The following TFB1M variants were observed in gnomAD, a reference collection of about 807,000 sequenced individuals.
The protein encoded by TFB1M is dimethyladenosine transferase 1, mitochondrial.
A neutral mutation model predicts 31.1 loss-of-function variants in TFB1M; 27 were observed. That is an observed-to-expected ratio of 0.87 (90% CI 0.64 to 1.20). The LOEUF is 1.20. Ranked by LOEUF, TFB1M falls within the 50% of genes most tolerant of loss-of-function variation. The pLI, the probability that TFB1M is intolerant of heterozygous loss-of-function variation, is 0.00. For missense variants in TFB1M, 394 were observed against 418.7 expected (o/e 0.94, Z 0.51); for synonymous variants, 166 against 151.8 (o/e 1.09, Z -0.69).
intron 2 of TFB1M, among the ~76,000 whole-genome samples, chr6:155,300,172 T>C (rs1011124916): frequency 1.3e-5 from 2 of 152,198 alleles, no homozygotes; most frequent in African/African-American, 4.8e-5. Context: ...CACAAGTCAA[T>C]CAGGCAGATT....
At chr6:155,254,339 C>T, downstream of TFB1M, 1 of 1,554,458 alleles carries the variant, frequency 6.4e-7, no homozygotes, top group South Asian at 1.2e-5. Context: ...GTGCAAGGCA[C>T]AGGAACACAG....
Position 155,257,280 on chromosome 6 carries a change from T to A in TFB1M, c.*556A>T. ...ATGGTTGTAAAGATTTAAGTTATTT[T>A]AATTTATTGTGGATCAGAAACCTAG... On this transcript the variant is annotated 3_prime_UTR_variant, in exon 7 of 7. Coordinates refer to ENST00000367166, the MANE Select transcript of TFB1M (RefSeq NM_016020.4). 1 of 825,958 alleles carries A rather than the reference T, an allele frequency of 1.2e-6. No individual in the cohort carries two copies. Among genetic ancestry groups the A allele is most frequent in the African/African-American group, 1.7e-5 (1 of 58,028 alleles). 51.2% of individuals were successfully genotyped at this position (825,958 alleles called of 1,614,324 possible). A position where few individuals can be genotyped will look rare whatever the true frequency, so the allele number is the denominator to read the frequency against.
downstream of TFB1M, among the ~76,000 whole-genome samples, chr6:155,251,720 A>G (rs1108371): frequency 0.29 from 44,834 of 152,206 alleles, 7,364 homozygotes; most frequent in East Asian, 0.66. Flanking sequence ...GAGTTTAAAA[A>G]AGCCAAGATC....
intron 5 of TFB1M, among the ~76,000 whole-genome samples, chr6:155,268,438 T>C (rs1188442992): frequency 1.3e-5 from 2 of 152,222 alleles, no homozygotes; most frequent in African/African-American, 4.8e-5. Flanking sequence ...GATGAGAAGA[T>C]GGAGTGCAAT....
the TFB1M span, chr6:155,240,447 G>A: frequency 7.3e-5 from 105 of 1,440,082 alleles, 1 homozygote; most frequent in Non-Finnish European, 9.5e-5. Flanking sequence ...GAGCACAGAC[G>A]GAGACACTTG....
intron 5 of TFB1M, among the ~76,000 whole-genome samples, chr6:155,263,815 T>C (rs1230708853): frequency 6.6e-6 from 1 of 151,496 alleles, no homozygotes; most frequent in Non-Finnish European, 1.5e-5. Context: ...TACAAAAGGG[T>C]CTTCATTCAA....
chr6:155,307,914 A>C (rs1352225907), intron 2 of TFB1M, among the ~76,000 whole-genome samples: 4 of 152,124 alleles, frequency 2.6e-5, no homozygotes, highest in Non-Finnish European at 5.9e-5. Flanking sequence ...AAACAGAAAA[A>C]AAAAAAAAAT....
intron 5 of TFB1M, among the ~76,000 whole-genome samples, chr6:155,274,786 C>A (rs1472537074): frequency 2.0e-5 from 3 of 152,234 alleles, no homozygotes; most frequent in African/African-American, 4.8e-5. Context: ...ATGTGCCTGG[C>A]ACTGTGGGTG....
At chr6:155,266,065 A>G (rs531480776) in intron 5 of TFB1M, among the ~76,000 whole-genome samples, 30 of 152,064 alleles carry the variant, frequency 2.0e-4, no homozygotes, top group African/African-American at 6.8e-4. Context: ...GGGCGGGTCT[A>G]CCTTCCCCAC....
chr6:155,287,747 A>G (rs1251971035), intron 4 of TFB1M, among the ~76,000 whole-genome samples: 1 of 152,180 alleles, frequency 6.6e-6, no homozygotes, highest in African/African-American at 2.4e-5. Context: ...AAATATGGCA[A>G]TATATTAAAA....
intron 2 of TFB1M, 50 bp downstream of exon 2, chr6:155,311,138 G>T (rs766747112): frequency 6.9e-6 from 11 of 1,605,460 alleles, no homozygotes; most frequent in Non-Finnish European, 9.4e-6. Context: ...ATGGCATAAA[G>T]ATTTAAATTC....
At chr6:155,263,877 A>G (rs1784500822) in intron 5 of TFB1M, 1 of 152,108 alleles carries the variant, frequency 6.6e-6, no homozygotes, top group South Asian at 2.1e-4. Context: ...GAGATGAAAA[A>G]ATGATGAGGA....
At chr6:155,254,409 C>G (rs372799385), downstream of TFB1M, 25 of 1,610,302 alleles carry the variant, frequency 1.6e-5, no homozygotes, top group African/African-American at 4.0e-5. Context: ...TTCTCTCCCC[C>G]CCCACCCAGT....
At chr6:155,292,990 G>A (rs951479918) in intron 4 of TFB1M, among the ~76,000 whole-genome samples, 6 of 151,968 alleles carry the variant, frequency 3.9e-5, no homozygotes, top group African/African-American at 1.5e-4. Context: ...CACCGGACCT[G>A]GCTAATTTTT....
At chr6:155,310,075 G>A (rs761071292) in intron 2 of TFB1M, among the ~76,000 whole-genome samples, 6 of 152,030 alleles carry the variant, frequency 3.9e-5, no homozygotes, top group Non-Finnish European at 2.9e-5. Flanking sequence ...CAAAGTTCTA[G>A]GTTTTCAAAA....
chr6:155,243,958 T>C, the TFB1M span: 8 of 1,492,332 alleles, frequency 5.4e-6, no homozygotes, highest in Non-Finnish European at 7.4e-6. Flanking sequence ...CCAAATCTCA[T>C]GGGTATTTTG....
intron 5 of TFB1M, chr6:155,264,422 T>G (rs561993909): frequency 6.6e-6 from 1 of 152,344 alleles, no homozygotes; most frequent in East Asian, 1.9e-4. Flanking sequence ...ACTCTACCTG[T>G]GATCCATGTC....
chr6:155,266,716 G>A (rs1035209104), intron 5 of TFB1M, among the ~76,000 whole-genome samples: 11 of 151,820 alleles, frequency 7.2e-5, no homozygotes, highest in Non-Finnish European at 1.3e-4. Context: ...GCGTGGTGGC[G>A]GCCGCCTGTA....
intron 5 of TFB1M, among the ~76,000 whole-genome samples, chr6:155,268,655 C>G (rs1784772857): frequency 6.6e-6 from 1 of 152,086 alleles, no homozygotes; most frequent in South Asian, 2.1e-4. Flanking sequence ...TTACCCCCAA[C>G]CCGGTGCTCT....
Sources: gnomAD v4.1 joint callset for allele counts (sites outside exome capture counted in the v4.1 genomes callset) on GRCh38, gnomAD v4.1.1 for gene constraint, MANE v1.5 for transcripts, NCBI Gene and HGNC (gene_info 2026-07-23, HGNC 2026-07-21) for gene names.